ANKRD22: variants seen among roughly 807,000 people sequenced by gnomAD.
ANKRD22 encodes ankyrin repeat domain-containing protein 22.
In ANKRD22, 24 loss-of-function variants were observed where a neutral mutation model predicts 25.7. The observed-to-expected ratio is 0.93, with a 90% confidence interval of 0.68 to 1.31. The LOEUF (loss-of-function observed/expected upper bound fraction) is 1.31. Ranked by LOEUF, ANKRD22 falls within the 50% of genes most tolerant of loss-of-function variation. The probability of loss-of-function intolerance (pLI) is 0.00; values close to 1 mark genes in which losing one functional copy is unlikely to be tolerated. For missense variants in ANKRD22, 214 were observed against 227.1 expected (o/e 0.94, Z 0.37); for synonymous variants, 84 against 84.3 (o/e 1.00, Z 0.02).
chr10:88,848,634 C>A (rs2133083922), intron 1 of ANKRD22, among the ~76,000 whole-genome samples: 1 of 152,234 alleles, frequency 6.6e-6, no homozygotes, highest in South Asian at 2.1e-4. Flanking sequence ...AATGTGAAAC[C>A]AGATCTCATT....
At chr10:88,844,108 G>A (rs1372300934) in intron 1 of ANKRD22, among the ~76,000 whole-genome samples, 2 of 152,130 alleles carry the variant, frequency 1.3e-5, no homozygotes, top group African/African-American at 4.8e-5. Flanking sequence ...TCCATGATCT[G>A]TCTTAAGTGA....
At position 88,822,543 on chromosome 10, in the gene ANKRD22, G is replaced by GGTTTTTTTTTTTTTTTTTTTT. The variant is rs1491462149; in HGVS notation, c.*397_*398insAAAAAAAAAAAAAAAAAAAAC. The GGTTTTTTTTTTTTTTTTTTTT allele has an allele frequency of 1.5e-4, 3 of 19,722 alleles. No homozygotes were observed. The highest frequency in any genetic ancestry group is 5.7e-4 in the Admixed American group (1 of 1,746). The allele number at this position is 19,722 out of a possible 1,614,324, so 1.2% of individuals were successfully genotyped here. On this transcript the variant is annotated 3_prime_UTR_variant, in exon 6 of 6. Transcript: ENST00000371930. ...GAAAGACTGAGTTTGGAACACCAGGGCTTTTTTTTTTTTTTTTTTTTTTGA... is the reference window on the plus strand; with the variant it reads ...GAAAGACTGAGTTTGGAACACCAGGGGTTTTTTTTTTTTTTTTTTTTCTTTTTTTTTTTTTTTTTTTTTTGA...
At chr10:88,828,300 CTTAGT>C (rs1314080432) in intron 3 of ANKRD22, among the ~76,000 whole-genome samples, 1 of 152,108 alleles carries the variant, frequency 6.6e-6, no homozygotes, top group African/African-American at 2.4e-5. Flanking sequence ...TCAGAAAAGT[CTTAGT>C]TAAGGTTAAA....
intron 4 of ANKRD22, among the ~76,000 whole-genome samples, chr10:88,824,390 A>G (rs763523303): frequency 5.3e-5 from 8 of 152,214 alleles, no homozygotes; most frequent in African/African-American, 9.7e-5. Context: ...TTCCCTAGAA[A>G]CACCTCTAAA....
intron 1 of ANKRD22, among the ~76,000 whole-genome samples, chr10:88,832,350 G>A (rs1214550): frequency 0.36 from 54,720 of 151,202 alleles, 10,484 homozygotes; most frequent in African/African-American, 0.48. Context: ...TGGGCCTGTC[G>A]GAAAAGCATT....
At chr10:88,827,794 G>C (rs1248811009) in intron 3 of ANKRD22, among the ~76,000 whole-genome samples, 6 of 152,168 alleles carry the variant, frequency 3.9e-5, no homozygotes, top group African/African-American at 4.8e-5. Context: ...CACAGTTTAT[G>C]AGCTACAACA....
intron 1 of ANKRD22, among the ~76,000 whole-genome samples, chr10:88,843,958 A>G (rs957587574): frequency 1.3e-5 from 2 of 152,164 alleles, no homozygotes; most frequent in Non-Finnish European, 2.9e-5. Context: ...CATAACACAT[A>G]GGACTCTCAA....
intron 2 of ANKRD22, among the ~76,000 whole-genome samples, chr10:88,830,576 T>C (rs943293331): frequency 6.6e-6 from 1 of 152,204 alleles, no homozygotes; most frequent in Non-Finnish European, 1.5e-5. Flanking sequence ...TTAGAAACAT[T>C]TGAAAGTGGA....
At position 88,822,754 on chromosome 10, in the gene ANKRD22, G is replaced by A. The variant is rs1843812363; in HGVS notation, c.*187C>T. 1 of 581,854 alleles carries A rather than the reference G, an allele frequency of 1.7e-6. No individual in the cohort carries two copies. Among genetic ancestry groups the A allele is most frequent in the African/African-American group, 1.9e-5 (1 of 53,062 alleles). The allele number at this position is 581,854 out of a possible 1,614,324, so 36.0% of individuals were successfully genotyped here. A position where few individuals can be genotyped will look rare whatever the true frequency, so the allele number is the denominator to read the frequency against. On this transcript the variant is annotated 3_prime_UTR_variant, in exon 6 of 6. Transcript: ENST00000371930. ...TTTCCCTTAGAAGGATTACGGCCAT[G>A]GTGAACTTGACTGAGTAAACAATGC...
In ANKRD22 at chr10:88,822,990, C is replaced by T. The variant is rs1269841290; in HGVS notation, c.527G>A (p.Arg176Gln). Residue 176 changes from arginine to glutamine, a missense_variant, in exon 6 of 6, where the codon CGG becomes CAG. Arg to Gln is a conservative substitution (Grantham distance 43, BLOSUM62 1). Transcript: ENST00000371930. ...KHGESSLDIARRLKFSQIELM... is the reference protein window; with the variant it reads ...KHGESSLDIAQRLKFSQIELM... The stretch of plus-strand genomic sequence containing the variant: ...TTCAATCTGGGAAAATTTTAATCTC[C>T]GTGCAATATCCAGTGAGCTCTCACC... 3.7e-6 allele frequency: 6 copies of T among 1,613,390 alleles called. No homozygotes were observed. Among genetic ancestry groups the T allele is most frequent in the East Asian group, 2.2e-5 (1 of 44,874 alleles).
intron 2 of ANKRD22, among the ~76,000 whole-genome samples, chr10:88,830,801 AG>A (rs1686829437): frequency 6.6e-6 from 1 of 152,224 alleles, no homozygotes; most frequent in South Asian, 2.1e-4. Context: ...AAAAGAGCGC[AG>A]GAACCCACAG....
intron 3 of ANKRD22, among the ~76,000 whole-genome samples, chr10:88,826,796 A>T (rs1843860077): frequency 1.3e-5 from 2 of 151,944 alleles, no homozygotes; most frequent in Admixed American, 1.3e-4. Flanking sequence ...CACCCGCTTT[A>T]TGGTAATTTT....
rs1451359128 is a variant in ANKRD22 at position 88,823,320 on chromosome 10, A to G, written c.458T>C (p.Leu153Pro). 8 of 1,614,052 alleles carry G rather than the reference A, an allele frequency of 5.0e-6. No individual in the cohort carries two copies. The Admixed American group carries it at 1.2e-4, about 24-fold the overall frequency. Residue 153 changes from leucine (L) to proline (P), a missense_variant, in exon 5 of 6, where the codon CTG (leucine) becomes CCG (proline). Leu to Pro is a moderately conservative substitution (Grantham distance 98, BLOSUM62 -3). Transcript: ENST00000371930. ...CEMKNQSLIP[L>P]LLEARADPTI... is the part of the protein sequence containing the mutation. ...GGGGTCTGCACGGGCTTCCAAGAGC[A>G]GAGGGATAAGAGACTGGTTTTTCAT...
Position 88,825,980 on chromosome 10 carries a change from G to A in ANKRD22, c.399+58C>T, listed in dbSNP as rs113936104. On this transcript the variant is annotated intron_variant, in intron 4 of 5. Transcript: ENST00000371930. ...AAGCAACTGTACAGATGACAAATAC[G>A]CTACCTACAAATACCATTTTGAATA... The A allele has an allele frequency of 8.0e-6, 11 of 1,367,998 alleles. No individual in the cohort carries two copies. In the African/African-American group the frequency reaches 8.6e-5, roughly 11 times the overall value. 84.7% of individuals were successfully genotyped at this position (1,367,998 alleles called of 1,614,324 possible).
chr10:88,820,645 T>A lies in ANKRD22; in HGVS notation c.*2296A>T. The A allele has an allele frequency of 1.3e-6, 1 of 756,622 alleles. No individual in the cohort carries two copies. The highest frequency in any genetic ancestry group is 2.1e-6 in the Non-Finnish European group (1 of 485,612). The allele number at this position is 756,622 out of a possible 1,614,324, so 46.9% of individuals were successfully genotyped here. The stretch of plus-strand genomic sequence containing the variant: ...ACTAAATCCGACACTTACATTTACA[T>A]TTTTTTTCTGTAAATTAAAGTACTT... On this transcript the variant is annotated 3_prime_UTR_variant, in exon 6 of 6. Transcript: ENST00000371930.
Position 88,822,773 on chromosome 10 carries a change from A to G in ANKRD22, c.*168T>C, listed in dbSNP as rs1471051179. On this transcript the variant is annotated 3_prime_UTR_variant, in exon 6 of 6. Coordinates refer to ENST00000371930, the MANE Select transcript of ANKRD22 (RefSeq NM_144590.3). ...GGCCATGGTGAACTTGACTGAGTAA[A>G]CAATGCTATAAATAAAAAGCTCTTC... 7.7e-6 allele frequency: 5 copies of G among 645,850 alleles called. No individual in the cohort carries two copies. Among genetic ancestry groups the G allele is most frequent in the Non-Finnish European group, 1.4e-5 (5 of 368,194 alleles). 40.0% of individuals were successfully genotyped at this position (645,850 alleles called of 1,614,324 possible). A position where few individuals can be genotyped will look rare whatever the true frequency, so the allele number is the denominator to read the frequency against.
At chr10:88,824,554 A>G (rs1013628995) in intron 4 of ANKRD22, among the ~76,000 whole-genome samples, 30 of 152,226 alleles carry the variant, frequency 2.0e-4, no homozygotes, top group African/African-American at 6.0e-4. Context: ...TAATACTCAG[A>G]TAGTTTTTGA....
At position 88,840,691 on chromosome 10, in the gene ANKRD22, C is replaced by T. The variant is rs184363145; in HGVS notation, c.22-8665G>A. Among the ~76,000 whole-genome samples, 45 of 152,242 alleles carry T rather than the reference C, an allele frequency of 3.0e-4. No homozygotes were observed. In the East Asian group the frequency reaches 4.4e-3, roughly 15 times the overall value. On this transcript the variant is annotated intron_variant, in intron 1 of 5. Transcript: ENST00000371930. ...TTCCGGTAAAGAGCCTTGTGATTCACGAAATGTCTTCTCAGAAAAGGAAGG... is the reference window on the plus strand; with the variant it reads ...TTCCGGTAAAGAGCCTTGTGATTCATGAAATGTCTTCTCAGAAAAGGAAGG...
chr10:88,826,813 G>T (rs908203840), intron 3 of ANKRD22, among the ~76,000 whole-genome samples: 1 of 152,112 alleles, frequency 6.6e-6, no homozygotes, highest in African/African-American at 2.4e-5. Flanking sequence ...TTTTACATGT[G>T]TTTGTGCCAT....
Sources: gnomAD v4.1 joint callset for allele counts (sites outside exome capture counted in the v4.1 genomes callset) on GRCh38, gnomAD v4.1.1 for gene constraint, MANE v1.5 for transcripts, NCBI Gene and HGNC (gene_info 2026-07-23, HGNC 2026-07-21) for gene names.